Variants in CDH23 observed in about 807,000 individuals in gnomAD.
CDH23 encodes cadherin-23.
In CDH23, 189 loss-of-function variants were observed where a neutral mutation model predicts 317.1. The ratio of observed to expected loss-of-function variants is 0.60; its 90% CI spans 0.53 to 0.67. The LOEUF (loss-of-function observed/expected upper bound fraction) is 0.67. CDH23 is among the 30% of genes least tolerant of loss of function. The pLI, the probability that CDH23 is intolerant of heterozygous loss-of-function variation, is 0.00. For missense variants in CDH23, 4,401 were observed against 4,592.4 expected, an observed-to-expected ratio of 0.96 and a Z score of 1.20; for synonymous variants, 1,839 against 1,876.8, an observed-to-expected ratio of 0.98 and a Z score of 0.52.
At position 71,793,651 on chromosome 10, in the gene CDH23, C is replaced by A; in HGVS notation, c.6712+11C>A. 6.5e-7 allele frequency: 1 copy of A among 1,542,966 alleles called. No homozygotes were observed. Among genetic ancestry groups the A allele is most frequent in the Non-Finnish European group, 8.8e-7 (1 of 1,141,274 alleles). Reference sequence around the variant, plus strand: ...TGAATATCAACACAGGTACAAGGGCCTGCACCCCTCCCACCTCCCTCCCAG... The same window carrying A: ...TGAATATCAACACAGGTACAAGGGCATGCACCCCTCCCACCTCCCTCCCAG... On this transcript the variant is annotated intron_variant, in intron 48 of 69. Transcript: ENST00000224721.
At position 71,812,804 on chromosome 10, in the gene CDH23, G is replaced by A. The variant is rs761910711; in HGVS notation, c.9547G>A (p.Asp3183Asn). The change falls in exon 68 of 70, where the codon GAT becomes AAT. Residue 3183 changes from aspartate to asparagine, a missense_variant. Around this residue, in one of 3 missense-constraint regions of CDH23, gnomAD observed 1,144 missense variants for 1,138.2 expected, o/e 1.01. Coordinates refer to ENST00000224721, the MANE Select transcript of CDH23 (RefSeq NM_022124.6). ...FGREPAAVKP[D>N]DDRYLRAAIQ... ...GCGTGAGCCAGCAGCTGTCAAGCCT[G>A]ATGATGACCGATACCTGCGGGCTGC... 6.2e-7 allele frequency: 1 copy of A among 1,613,414 alleles called. No individual in the cohort carries two copies.
intron 14 of CDH23, among the ~76,000 whole-genome samples, chr10:71,648,956 A>T (rs1428272318): frequency 1.3e-5 from 2 of 152,114 alleles, no homozygotes; most frequent in African/African-American, 4.8e-5. Context: ...CTGCAGGGAG[A>T]TGGTGGGGAC....
Position 71,725,354 on chromosome 10 carries a change from G to T in CDH23, c.3431-18G>T. On this transcript the variant is annotated intron_variant, in intron 29 of 69. Coordinates refer to ENST00000224721, the MANE Select transcript of CDH23 (RefSeq NM_022124.6). ...CTGGGCAGGGCCGGTGTTCCAGGGGGTCTGTCCCTCCACACAGGTAACCAT... is the reference window on the plus strand; with the variant it reads ...CTGGGCAGGGCCGGTGTTCCAGGGGTTCTGTCCCTCCACACAGGTAACCAT... 3 of 1,614,068 alleles carry T rather than the reference G, an allele frequency of 1.9e-6. No homozygotes were observed. The highest frequency in any genetic ancestry group is 1.7e-6 in the Non-Finnish European group (2 of 1,179,900).
chr10:71,692,134 C>A (rs1201914360), intron 20 of CDH23, among the ~76,000 whole-genome samples: 1 of 152,168 alleles, frequency 6.6e-6, no homozygotes. Flanking sequence ...CAGGTACTAG[C>A]CTTATCCCCA....
At chr10:71,444,186 C>G (rs1850044687) in intron 2 of CDH23, among the ~76,000 whole-genome samples, 1 of 152,272 alleles carries the variant, frequency 6.6e-6, no homozygotes, top group African/African-American at 2.4e-5. Flanking sequence ...ATTAATACCA[C>G]TGTTAATACT....
At chr10:71,473,013 G>T (rs1472127120) in intron 3 of CDH23, among the ~76,000 whole-genome samples, 1 of 152,136 alleles carries the variant, frequency 6.6e-6, no homozygotes, top group Non-Finnish European at 1.5e-5. Flanking sequence ...ATTACCCTGG[G>T]CTGGAACTCA....
chr10:71,741,916 C>A lies in CDH23; in HGVS notation c.4840C>A (p.Leu1614Met). The change falls in exon 38 of 70, where the codon CTG becomes ATG. Residue 1614 changes from leucine to methionine, a missense_variant. Leu to Met is a conservative substitution (Grantham distance 15, BLOSUM62 2). Transcript: ENST00000224721. ...TGTGGAGGACGAGGGCACCCCAACCCTGTCGGTGAGCGATGGGGGTGGCCA... is the reference window on the plus strand; with the variant it reads ...TGTGGAGGACGAGGGCACCCCAACCATGTCGGTGAGCGATGGGGGTGGCCA... The part of the protein sequence containing the change: ...ATVEDEGTPT[L>M]SATTHVYVTI... The A allele has an allele frequency of 6.3e-7, 1 of 1,594,862 alleles. No individual in the cohort carries two copies. The highest frequency in any genetic ancestry group is 1.3e-5 in the African/African-American group (1 of 74,776).
chr10:71,813,723 G>A (rs563418274), intron 69 of CDH23, among the ~76,000 whole-genome samples: 3 of 152,178 alleles, frequency 2.0e-5, no homozygotes, highest in South Asian at 2.1e-4. Flanking sequence ...TCTGGCCAAC[G>A]TGGCGAAACC....
At position 71,623,001 on chromosome 10, in the gene CDH23, T is replaced by C. The variant is rs138213071; in HGVS notation, c.1134+5608T>C. 18 of 967,670 alleles carry C rather than the reference T, an allele frequency of 1.9e-5. No individual in the cohort carries two copies. The African/African-American group carries it at 2.6e-4, about 14-fold the overall frequency. The allele number at this position is 967,670 out of a possible 1,614,324, so 59.9% of individuals were successfully genotyped here. On this transcript the variant is annotated intron_variant, in intron 11 of 69. Transcript: ENST00000224721. ...CTTACGCAGGTTGGGGGTTAGTTAT[T>C]AATTCAAGCAACAAGTGTTATGTGC...
At chr10:71,403,316 T>G (rs1017362519) in intron 1 of CDH23, among the ~76,000 whole-genome samples, 2 of 91,384 alleles carry the variant, frequency 2.2e-5, no homozygotes, top group Non-Finnish European at 3.8e-5. Flanking sequence ...TTTCTCTTTC[T>G]TCCTTCCTTC....
chr10:71,563,056 G>C (rs1237126273), intron 6 of CDH23, among the ~76,000 whole-genome samples: 2 of 152,172 alleles, frequency 1.3e-5, no homozygotes, highest in Non-Finnish European at 2.9e-5. Flanking sequence ...AGGAGCAGCT[G>C]TTCTTGGAAG....
At chr10:71,647,027 C>A in intron 14 of CDH23, 5 of 985,442 alleles carry the variant, frequency 5.1e-6, no homozygotes, top group Non-Finnish European at 6.0e-6. Flanking sequence ...CCGGGGCACC[C>A]CCAGCTGCCC....
intron 29 of CDH23, among the ~76,000 whole-genome samples, 192 bp from the exon 30 acceptor site, chr10:71,725,180 G>A (rs1285455447): frequency 6.6e-6 from 1 of 152,206 alleles, no homozygotes; most frequent in Non-Finnish European, 1.5e-5. Flanking sequence ...CATTGGGGAT[G>A]GCCTGTCTGC....
At chr10:71,570,738 G>A in intron 7 of CDH23, 52 bp from the exon 8 acceptor site, 3 of 1,559,226 alleles carry the variant, frequency 1.9e-6, no homozygotes, top group Non-Finnish European at 2.6e-6. Context: ...ATGTGTGTGA[G>A]TGTCCCCACC....
At chr10:71,695,171 T>A (rs1865334217) in intron 21 of CDH23, among the ~76,000 whole-genome samples, 1 of 152,162 alleles carries the variant, frequency 6.6e-6, no homozygotes, top group Non-Finnish European at 1.5e-5. Context: ...CAGCAAGGAT[T>A]TCAGGGCTTA....
intron 28 of CDH23, among the ~76,000 whole-genome samples, chr10:71,721,354 C>T (rs979725142): frequency 6.6e-5 from 10 of 152,164 alleles, no homozygotes; most frequent in Admixed American, 6.5e-4. Flanking sequence ...CCAGAGGGCT[C>T]TCTGGAGAAG....
intron 6 of CDH23, among the ~76,000 whole-genome samples, chr10:71,522,645 A>AG (rs1317365009): frequency 2.0e-5 from 3 of 152,284 alleles, no homozygotes; most frequent in South Asian, 2.1e-4. Flanking sequence ...TGCACGCACC[A>AG]GGGGGAGCTA....
chr10:71,690,237 G>T lies in CDH23; in HGVS notation c.2060-231G>T, dbSNP rs539115921. ...CAGTCCATCCCTAAGCCTCTCATGA[G>T]CCTTGTCCCCACCCAGCCCAGCGAT... is the stretch of plus-strand genomic sequence containing the variant. On this transcript the variant is annotated intron_variant, in intron 19 of 69. Transcript: ENST00000224721. 3.3e-5 allele frequency among the ~76,000 whole-genome samples: 5 copies of T among 152,256 alleles called. No individual in the cohort carries two copies. In the East Asian group the frequency reaches 5.8e-4, roughly 18 times the overall value.
intron 38 of CDH23, among the ~76,000 whole-genome samples, chr10:71,745,160 T>C (rs1017884464): frequency 1.2e-4 from 18 of 152,214 alleles, no homozygotes; most frequent in African/African-American, 4.3e-4. Flanking sequence ...GAAGAAAATG[T>C]GGTCTGTGGC....
Sources: gnomAD v4.1 joint callset for allele counts (sites outside exome capture counted in the v4.1 genomes callset) on GRCh38, gnomAD v4.1.1 for gene constraint, gnomAD v4.1.1 regional missense constraint, MANE v1.5 for transcripts, NCBI Gene and HGNC (gene_info 2026-07-23, HGNC 2026-07-21) for gene names.